Variants in ZFR2 observed in about 807,000 individuals in gnomAD.
ZFR2 encodes the protein zinc finger RNA-binding protein 2.
In ZFR2, 104 loss-of-function variants were observed where a neutral mutation model predicts 105.7. The ratio of observed to expected loss-of-function variants is 0.98; its 90% CI spans 0.84 to 1.16. The LOEUF (loss-of-function observed/expected upper bound fraction) is 1.16, where lower values mean the gene tolerates loss of function less well. Ranked by LOEUF, ZFR2 falls within the 50% of genes most tolerant of loss-of-function variation. The pLI, the probability that ZFR2 is intolerant of heterozygous loss-of-function variation, is 0.00. For synonymous variants in ZFR2, 634 were observed against 597.7 expected, an observed-to-expected ratio of 1.06 and a Z score of -0.89; for missense variants, 1,425 against 1,355.5, an observed-to-expected ratio of 1.05 and a Z score of -0.80.
chr19:3,827,183 A>C (rs2037959766), intron 6 of ZFR2, among the ~76,000 whole-genome samples: 1 of 152,220 alleles, frequency 6.6e-6, no homozygotes, highest in African/African-American at 2.4e-5. Context: ...CAGAGGTTGC[A>C]GTGAGCCGAG....
chr19:3,833,898 T>A, intron 2 of ZFR2, 120 bp from the exon 3 acceptor site: 1 of 773,860 alleles, frequency 1.3e-6, no homozygotes, highest in Non-Finnish European at 2.1e-6. Context: ...CGCTGGCTCC[T>A]AAGCGTCTGC....
In ZFR2 at chr19:3,823,960, G is replaced by A. The variant is rs887177378; in HGVS notation, c.1214-557C>T. On this transcript the variant is annotated intron_variant, in intron 7 of 18. Coordinates refer to ENST00000262961, the MANE Select transcript of ZFR2 (RefSeq NM_015174.2). This position sits in a 1 kb window ranked among gnomAD's most constrained non-coding sequence, Gnocchi z 5.4. ...TTCCAATTCCACCTCCACCGTTTAC[G>A]GCTTTTCCATCTACACATTGGGACT... 2.6e-5 allele frequency among the ~76,000 whole-genome samples: 4 copies of A among 151,510 alleles called. No individual in the cohort carries two copies. Among genetic ancestry groups the A allele is most frequent in the Middle Eastern group, 3.2e-3 (1 of 316 alleles).
chr19:3,829,541 C>G (rs1006185768), intron 5 of ZFR2, among the ~76,000 whole-genome samples: 1 of 151,716 alleles, frequency 6.6e-6, no homozygotes, highest in Non-Finnish European at 1.5e-5. Flanking sequence ...GACAAAGGGT[C>G]TCGCCCTGTC....
chr19:3,830,018 G>A lies in ZFR2; in HGVS notation c.852+1285C>T, dbSNP rs757961585. On this transcript the variant is annotated intron_variant, in intron 5 of 18. Transcript: ENST00000262961. ...GATATAAGGATTAAATAACCCACAC[G>A]GGCCTGGCGCAGGGACTCAGCTTGT... is the stretch of plus-strand genomic sequence containing the variant. 5.3e-5 allele frequency among the ~76,000 whole-genome samples: 8 copies of A among 152,134 alleles called. No individual in the cohort carries two copies. The East Asian group carries it at 5.8e-4, about 11-fold the overall frequency.
intron 3 of ZFR2, 113 bp from the exon 4 acceptor site, chr19:3,831,991 C>A: frequency 1.1e-6 from 1 of 880,452 alleles, no homozygotes; most frequent in Non-Finnish European, 1.6e-6. Flanking sequence ...TAAGCCAGGA[C>A]CAGAGGCCAG....
chr19:3,846,264 A>G (rs2038183821), intron 1 of ZFR2, among the ~76,000 whole-genome samples: 1 of 152,276 alleles, frequency 6.6e-6, no homozygotes, highest in South Asian at 2.1e-4. Context: ...GGCGTGAGCC[A>G]CTGCACCTGG....
At chr19:3,806,288 AGTCTCGCTCT>A (rs1168769031) in intron 18 of ZFR2, among the ~76,000 whole-genome samples, 163 bp from the exon 19 acceptor site, 3 of 152,138 alleles carry the variant, frequency 2.0e-5, no homozygotes, top group Non-Finnish European at 4.4e-5. Context: ...TTTGAGACAC[AGTCTCGCTCT>A]GTCACCCAGG....
At chr19:3,822,243 G>C in intron 8 of ZFR2, 43 bp from the exon 9 acceptor site, 1 of 1,546,266 alleles carries the variant, frequency 6.5e-7, no homozygotes, top group African/African-American at 1.4e-5. Flanking sequence ...CACGAGGCGG[G>C]GTGGGATGTG....
intron 13 of ZFR2, among the ~76,000 whole-genome samples, chr19:3,815,551 G>A (rs1014531254): frequency 6.6e-6 from 1 of 152,154 alleles, no homozygotes; most frequent in Non-Finnish European, 1.5e-5. Context: ...CCATTGCTGC[G>A]AATGTTTTCT....
At chr19:3,809,008 C>CTG (rs2037733681) in intron 16 of ZFR2, 25 bp from the exon 17 acceptor site, 1 of 1,520,556 alleles carries the variant, frequency 6.6e-7, no homozygotes, top group Non-Finnish European at 8.8e-7. Context: ...AGAGCAGTTG[C>CTG]TGTGTTTTGG....
At position 3,813,964 on chromosome 19, in the gene ZFR2, A is replaced by T; in HGVS notation, c.2104-6T>A. The T allele has an allele frequency of 4.3e-6, 7 of 1,613,696 alleles. No individual in the cohort carries two copies. The highest frequency in any genetic ancestry group is 5.9e-6 in the Non-Finnish European group (7 of 1,179,784). ...TACTCATCCTCGGTCACCATCTGGG[A>T]GGGGTAAATACAACACAAGGCCACC... is the stretch of plus-strand genomic sequence containing the variant. On this transcript the variant is annotated splice_region_variant and splice_polypyrimidine_tract_variant and intron_variant, in intron 13 of 18. Coordinates refer to ENST00000262961, the MANE Select transcript of ZFR2 (RefSeq NM_015174.2). This position sits in a 1 kb window ranked among gnomAD's most constrained non-coding sequence, Gnocchi z 4.4.
Position 3,835,003 on chromosome 19 carries a change from C to A in ZFR2, c.54-20G>T. ...TGGGCGCTAGAACCACAAACACACA[C>A]CAAAGCCCCACCAGGTTAGAGCGAG... On this transcript the variant is annotated intron_variant, in intron 1 of 18. Transcript: ENST00000262961. 6.3e-7 allele frequency: 1 copy of A among 1,599,944 alleles called. No individual in the cohort carries two copies. Among genetic ancestry groups the A allele is most frequent in the African/African-American group, 1.3e-5 (1 of 74,924 alleles).
chr19:3,821,363 C>T lies in ZFR2; in HGVS notation c.1608G>A (p.Leu536=), dbSNP rs1359624104. 2.5e-6 allele frequency: 4 copies of T among 1,604,622 alleles called. No individual in the cohort carries two copies. Among genetic ancestry groups the T allele is most frequent in the Non-Finnish European group, 2.5e-6 (3 of 1,176,948 alleles). The part of the protein sequence containing the change: ...RHLAEERLEQ[L]RRWHAERRRL... The stretch of plus-strand genomic sequence containing the variant: ...ACCTCCTCTCCGCGTGCCAGCGCCG[C>T]AGCTGCTCCAGCCGCTCCTCCGCCA... Residue 536 remains leucine (L), a synonymous_variant, in exon 10 of 19, where the codon CTG becomes CTA. Coordinates refer to ENST00000262961, the MANE Select transcript of ZFR2 (RefSeq NM_015174.2).
chr19:3,819,292 T>TGGGCAGGC (rs201546029), intron 11 of ZFR2, 57 bp from the exon 12 acceptor site: 18 of 1,400,266 alleles, frequency 1.3e-5, no homozygotes, highest in Non-Finnish European at 1.7e-5. Context: ...TGGGGAGTGC[T>TGGGCAGGC]GGGCAGGCGG....
In ZFR2 at chr19:3,835,447, T is replaced by C. The variant is rs1236326263; in HGVS notation, c.54-464A>G. ...TTCAAGCAATTCTCCTGCCTCAGCCTCCCGAGTAGCTGGGACTACAGGCGC... is the reference window on the plus strand; with the variant it reads ...TTCAAGCAATTCTCCTGCCTCAGCCCCCCGAGTAGCTGGGACTACAGGCGC... On this transcript the variant is annotated intron_variant, in intron 1 of 18. Coordinates refer to ENST00000262961, the MANE Select transcript of ZFR2 (RefSeq NM_015174.2). 2.0e-5 allele frequency among the ~76,000 whole-genome samples: 3 copies of C among 150,784 alleles called. No individual in the cohort carries two copies. In the East Asian group the frequency reaches 5.9e-4, roughly 30 times the overall value.
intron 1 of ZFR2, among the ~76,000 whole-genome samples, chr19:3,841,668 T>C (rs1042960696): frequency 4.0e-5 from 6 of 151,452 alleles, no homozygotes; most frequent in African/African-American, 1.5e-4. Context: ...ATTAGCTGGG[T>C]GTGGTGGGGC....
chr19:3,827,376 C>T, intron 6 of ZFR2, 95 bp downstream of exon 6: 1 of 1,371,928 alleles, frequency 7.3e-7, no homozygotes, highest in Non-Finnish European at 9.4e-7. Context: ...TCTCCCAGCT[C>T]CCTCTGATCT....
Position 3,827,932 on chromosome 19 carries a change from C to T in ZFR2, c.853-279G>A, listed in dbSNP as rs138656866. On this transcript the variant is annotated intron_variant, in intron 5 of 18. Transcript: ENST00000262961. ...GCCTCCTGGGTTCAAGTGATTCTCC[C>T]GCCTCAGCCTCCTAAGTACCTGGGA... Among the ~76,000 whole-genome samples the T allele has an allele frequency of 9.9e-3, 1,495 of 151,608 alleles. 13 individuals are homozygous for T. Among genetic ancestry groups the T allele is most frequent in the Non-Finnish European group, 0.016 (1,073 of 67,916 alleles).
Position 3,805,858 on chromosome 19 carries a change from C to G in ZFR2, c.*91G>C. On this transcript the variant is annotated 3_prime_UTR_variant, in exon 19 of 19. Coordinates refer to ENST00000262961, the MANE Select transcript of ZFR2 (RefSeq NM_015174.2). The stretch of plus-strand genomic sequence containing the variant: ...TTACTCAAAAGGAAATGACCATTGT[C>G]CAACGTCGGGGATGAAGCAGCCATT... The G allele has an allele frequency of 7.3e-7, 1 of 1,363,390 alleles. No homozygotes were observed. Among genetic ancestry groups the G allele is most frequent in the Non-Finnish European group, 9.6e-7 (1 of 1,040,956 alleles). The allele number at this position is 1,363,390 out of a possible 1,614,324, so 84.5% of individuals were successfully genotyped here. A position where few individuals can be genotyped will look rare whatever the true frequency, so the allele number is the denominator to read the frequency against.
Sources: allele counts gnomAD v4.1 joint callset (sites outside exome capture counted in the v4.1 genomes callset), GRCh38; gene constraint gnomAD v4.1.1; non-coding constraint Gnocchi (gnomAD v3.1); transcripts MANE v1.5; gene names NCBI Gene and HGNC (gene_info 2026-07-23, HGNC 2026-07-21).